The following FAM107B variants were observed in gnomAD, a reference collection of about 807,000 sequenced individuals.
The protein encoded by FAM107B is family with sequence similarity 107 member B.
FAM107B carries 21 observed loss-of-function variants against 31.5 expected under a neutral mutation model. The ratio of observed to expected loss-of-function variants is 0.67; its 90% CI spans 0.47 to 0.96. FAM107B has a LOEUF of 0.96. FAM107B is among the 40% of genes least tolerant of loss of function. The probability of loss-of-function intolerance (pLI) is 0.00; values close to 1 mark genes in which losing one functional copy is unlikely to be tolerated. For synonymous variants in FAM107B, 157 were observed against 141.5 expected (o/e 1.11, Z -0.78); for missense variants, 452 against 377.1 (o/e 1.20, Z -1.64).
intron 2 of FAM107B, among the ~76,000 whole-genome samples, chr10:14,657,531 G>C (rs1312459417): frequency 6.6e-6 from 1 of 152,166 alleles, no homozygotes; most frequent in African/African-American, 2.4e-5. Context: ...CTGGTCACCA[G>C]AGAAACATCT....
chr10:14,520,557 A>T lies in FAM107B; in HGVS notation c.*633T>A, dbSNP rs1400497195. 1.3e-5 allele frequency: 2 copies of T among 152,248 alleles called. No homozygotes were observed. Among genetic ancestry groups the T allele is most frequent in the Non-Finnish European group, 2.9e-5 (2 of 68,052 alleles). 9.4% of individuals were successfully genotyped at this position (152,248 alleles called of 1,614,324 possible). ...TTACACAGAGAACCAAAAGGAATGA[A>T]AATAAAATCAAGATGGGCTTTTAAA... On this transcript the variant is annotated 3_prime_UTR_variant, in exon 5 of 5. Coordinates refer to ENST00000181796, the MANE Select transcript of FAM107B (RefSeq NM_031453.4).
At chr10:14,541,379 T>TG (rs1386752092) in intron 2 of FAM107B, among the ~76,000 whole-genome samples, 3 of 152,162 alleles carry the variant, frequency 2.0e-5, no homozygotes, top group Admixed American at 6.5e-5. Flanking sequence ...CCTTTACAAA[T>TG]GTGTGGTTCT....
chr10:14,540,548 C>G (rs79699216), intron 2 of FAM107B, among the ~76,000 whole-genome samples: 2,631 of 152,294 alleles, frequency 0.017, 83 homozygotes, highest in African/African-American at 0.06. Context: ...CTGTCCTCCC[C>G]CTGTTCTCCC....
intron 1 of FAM107B, among the ~76,000 whole-genome samples, chr10:14,739,464 T>C (rs1257742163): frequency 6.6e-6 from 1 of 152,318 alleles, no homozygotes; most frequent in East Asian, 1.9e-4. Context: ...CCATGATCCA[T>C]CCAGCTTTCT....
At chr10:14,687,056 C>T (rs941736999) in intron 1 of FAM107B, among the ~76,000 whole-genome samples, 5 of 152,206 alleles carry the variant, frequency 3.3e-5, no homozygotes, top group South Asian at 4.1e-4. Flanking sequence ...AGATGCTGAA[C>T]GATTTCCTTG....
intron 2 of FAM107B, among the ~76,000 whole-genome samples, chr10:14,628,438 C>T (rs547763922): frequency 1.3e-5 from 2 of 152,080 alleles, no homozygotes; most frequent in Admixed American, 6.6e-5. Context: ...TCTTTCCTAC[C>T]CAGATGGGTC....
rs1352119164 is a variant in FAM107B, at chr10:14,774,887, C to T, written c.-224G>A. The stretch of plus-strand genomic sequence containing the variant: ...TGTCCATCCTGGGCAATTTCGCGCT[C>T]TTCCTTCTGTGATGCTGTCAGTGGC... On this transcript the variant is annotated 5_prime_UTR_variant, in exon 1 of 5. Transcript: ENST00000181796. The T allele has an allele frequency of 1.8e-6, 1 of 562,030 alleles. No individual in the cohort carries two copies. Among genetic ancestry groups the T allele is most frequent in the Non-Finnish European group, 3.1e-6 (1 of 317,904 alleles). The allele number at this position is 562,030 out of a possible 1,614,324, so 34.8% of individuals were successfully genotyped here.
At chr10:14,612,085 G>A (rs1852741644) in intron 2 of FAM107B, among the ~76,000 whole-genome samples, 1 of 151,858 alleles carries the variant, frequency 6.6e-6, no homozygotes, top group African/African-American at 2.4e-5. Context: ...AGAGAGAGCT[G>A]TGTGATCCAC....
At chr10:14,660,246 G>A (rs1291237712) in intron 2 of FAM107B, among the ~76,000 whole-genome samples, 1 of 152,066 alleles carries the variant, frequency 6.6e-6, no homozygotes, top group East Asian at 1.9e-4. Flanking sequence ...CTTCTGGAAT[G>A]GTACACTTAT....
At chr10:14,682,486 G>A (rs1349443683) in intron 1 of FAM107B, among the ~76,000 whole-genome samples, 1 of 152,184 alleles carries the variant, frequency 6.6e-6, no homozygotes, top group Non-Finnish European at 1.5e-5. Context: ...CCGAGATTGT[G>A]CCACTGCATT....
In FAM107B at chr10:14,622,297, T is replaced by G. The variant is rs1199479609; in HGVS notation, c.469+45337A>C. Among the ~76,000 whole-genome samples the G allele has an allele frequency of 2.2e-4, 33 of 147,792 alleles. No homozygotes were observed. The East Asian group carries it at 6.1e-3, about 27-fold the overall frequency. ...CTGTGATGGACAAGCACCTGGGAGC[T>G]AGTATGAGAGATTTTTTTTTTTTTT... On this transcript the variant is annotated intron_variant, in intron 2 of 4. Coordinates refer to ENST00000181796, the MANE Select transcript of FAM107B (RefSeq NM_031453.4).
intron 2 of FAM107B, among the ~76,000 whole-genome samples, chr10:14,576,285 T>G (rs899781006): frequency 3.9e-5 from 6 of 152,156 alleles, no homozygotes; most frequent in African/African-American, 1.2e-4. Context: ...TCCCAGCACT[T>G]TGGGAGGCCG....
At chr10:14,747,853 G>A (rs1832756399) in intron 1 of FAM107B, among the ~76,000 whole-genome samples, 1 of 152,196 alleles carries the variant, frequency 6.6e-6, no homozygotes, top group African/African-American at 2.4e-5. Context: ...ACCCCAAAGA[G>A]TCTTCATAAT....
At chr10:14,665,632 C>A (rs1261313246) in intron 2 of FAM107B, among the ~76,000 whole-genome samples, 1 of 152,198 alleles carries the variant, frequency 6.6e-6, no homozygotes, top group African/African-American at 2.4e-5. Context: ...GGTAAATGTG[C>A]AAAAGTGGTA....
chr10:14,538,623 A>G (rs1847880750), intron 2 of FAM107B, among the ~76,000 whole-genome samples: 1 of 152,210 alleles, frequency 6.6e-6, no homozygotes, highest in African/African-American at 2.4e-5. Flanking sequence ...GATAATACAG[A>G]TTCTGGTGAC....
chr10:14,759,179 A>AG (rs1313577216), intron 1 of FAM107B, among the ~76,000 whole-genome samples: 31 of 142,554 alleles, frequency 2.2e-4, no homozygotes, highest in Non-Finnish European at 3.6e-4. Context: ...ACTCTGTCTC[A>AG]AAAAATAAAT....
intron 1 of FAM107B, among the ~76,000 whole-genome samples, chr10:14,676,999 T>C (rs989176443): frequency 1.3e-5 from 2 of 152,066 alleles, no homozygotes; most frequent in Non-Finnish European, 2.9e-5. Context: ...CTAACAGCTC[T>C]CCTTTCTCCA....
intron 2 of FAM107B, among the ~76,000 whole-genome samples, chr10:14,635,230 T>C (rs1245005440): frequency 6.6e-6 from 1 of 151,990 alleles, no homozygotes; most frequent in Non-Finnish European, 1.5e-5. Flanking sequence ...CCATGGCAGC[T>C]GGAAGCGGAA....
intron 1 of FAM107B, among the ~76,000 whole-genome samples, chr10:14,700,827 C>CA (rs1159035034): frequency 0.016 from 1,178 of 75,996 alleles, 57 homozygotes; most frequent in African/African-American, 0.046. Context: ...TGGCAAGAGG[C>CA]AAAAAAAAAA....
Sources: allele counts gnomAD v4.1 joint callset (sites outside exome capture counted in the v4.1 genomes callset), GRCh38; gene constraint gnomAD v4.1.1; transcripts MANE v1.5; gene names NCBI Gene and HGNC (gene_info 2026-07-23, HGNC 2026-07-21).